GALNT2: variants seen among roughly 807,000 people sequenced by gnomAD.
GALNT2 encodes the protein polypeptide N-acetylgalactosaminyltransferase 2, also known as UDP-GalNAc:polypeptide N-acetylgalactosaminyltransferase 2.
Under a neutral mutation model 81.4 loss-of-function variants are expected in GALNT2, and 31 were observed. The ratio of observed to expected loss-of-function variants is 0.38; its 90% CI spans 0.29 to 0.51. The LOEUF (loss-of-function observed/expected upper bound fraction) is 0.51. GALNT2 is among the 20% of genes least tolerant of loss of function. The probability of loss-of-function intolerance (pLI) is 0.87; values close to 1 mark genes in which losing one functional copy is unlikely to be tolerated. For synonymous variants in GALNT2, 303 were observed against 287.4 expected, an observed-to-expected ratio of 1.05 and a Z score of -0.55; for missense variants, 629 against 765.7, an observed-to-expected ratio of 0.82 and a Z score of 2.11.
intron 1 of GALNT2, chr1:230,058,156 C>T: frequency 2.2e-6 from 1 of 455,160 alleles, no homozygotes; most frequent in Non-Finnish European, 4.4e-6. Flanking sequence ...CATGAGTCTC[C>T]TTTCCTAGCA....
At chr1:230,155,291 T>A (rs1428277369) in intron 1 of GALNT2, among the ~76,000 whole-genome samples, 5 of 152,172 alleles carry the variant, frequency 3.3e-5, no homozygotes, top group Admixed American at 3.3e-4. Flanking sequence ...TGTTCTTCGT[T>A]GGCTGCCTAG....
chr1:230,117,867 AAC>A (rs1660891917), intron 1 of GALNT2, among the ~76,000 whole-genome samples: 1 of 152,224 alleles, frequency 6.6e-6, no homozygotes, highest in Admixed American at 6.5e-5. Context: ...GTTTGTAAAA[AAC>A]ACAGTATCTG....
chr1:230,147,176 A>G (rs1215367370), intron 1 of GALNT2, among the ~76,000 whole-genome samples: 1 of 152,244 alleles, frequency 6.6e-6, no homozygotes, highest in Non-Finnish European at 1.5e-5. Flanking sequence ...CATGATTCTC[A>G]AAAGAATGCT....
At chr1:230,086,666 G>A (rs2102760517) in intron 1 of GALNT2, among the ~76,000 whole-genome samples, 1 of 152,140 alleles carries the variant, frequency 6.6e-6, no homozygotes, top group Non-Finnish European at 1.5e-5. Flanking sequence ...CATAACTTTT[G>A]CAGAAATGAG....
In GALNT2 at chr1:230,108,821, C is replaced by T. The variant is rs914676293; in HGVS notation, c.126+41415C>T. Reference sequence around the variant, plus strand: ...TGAGAGCTGTGAATCACTGACATTGCCCGGCATTGTCAGAGACTATCCGAC... The same window carrying T: ...TGAGAGCTGTGAATCACTGACATTGTCCGGCATTGTCAGAGACTATCCGAC... On this transcript the variant is annotated intron_variant, in intron 1 of 15. Coordinates refer to ENST00000366672, the MANE Select transcript of GALNT2 (RefSeq NM_004481.5). Among the ~76,000 whole-genome samples, 7 of 150,338 alleles carry T rather than the reference C, an allele frequency of 4.7e-5. No individual in the cohort carries two copies. The Middle Eastern group carries it at 0.01, about 222-fold the overall frequency.
chr1:230,236,226 A>C, intron 4 of GALNT2, 114 bp downstream of exon 4: 1 of 1,347,018 alleles, frequency 7.4e-7, no homozygotes, highest in Non-Finnish European at 1.1e-6. Flanking sequence ...CTGACTGCTC[A>C]GCACAGGGTG....
intron 1 of GALNT2, among the ~76,000 whole-genome samples, chr1:230,149,072 C>T (rs1229011182): frequency 2.0e-5 from 3 of 150,626 alleles, no homozygotes; most frequent in Admixed American, 6.6e-5. Context: ...GTAGAGACGG[C>T]GTTTCTCCAT....
At chr1:230,168,831 T>G (rs534711019) in intron 1 of GALNT2, among the ~76,000 whole-genome samples, 2 of 152,364 alleles carry the variant, frequency 1.3e-5, no homozygotes, top group African/African-American at 4.8e-5. Flanking sequence ...GAACCAGTAT[T>G]GATATGTTAT....
chr1:230,236,256 C>T, intron 4 of GALNT2, 97 bp from the exon 5 acceptor site: 1 of 1,407,498 alleles, frequency 7.1e-7, no homozygotes, highest in Non-Finnish European at 1.0e-6. Flanking sequence ...GCTCCTCCAA[C>T]CAAGGGTTAG....
intron 8 of GALNT2, among the ~76,000 whole-genome samples, chr1:230,246,638 G>T (rs1028294989): frequency 6.6e-6 from 1 of 152,058 alleles, no homozygotes; most frequent in Non-Finnish European, 1.5e-5. Flanking sequence ...CCAAGCCCAC[G>T]TGTGACCCTG....
At chr1:230,180,944 T>C (rs993191836) in intron 2 of GALNT2, among the ~76,000 whole-genome samples, 1 of 152,224 alleles carries the variant, frequency 6.6e-6, no homozygotes, top group Admixed American at 6.5e-5. Context: ...TTGACTTTTG[T>C]ATATTGACCT....
chr1:230,225,905 A>AC (rs1664695084), intron 3 of GALNT2, among the ~76,000 whole-genome samples: 1 of 152,140 alleles, frequency 6.6e-6, no homozygotes, highest in African/African-American at 2.4e-5. Context: ...TATCACCCAG[A>AC]CCTACTTATT....
At chr1:230,192,491 T>C (rs1222324939) in intron 2 of GALNT2, among the ~76,000 whole-genome samples, 1 of 152,204 alleles carries the variant, frequency 6.6e-6, no homozygotes, top group East Asian at 1.9e-4. Flanking sequence ...ATTACTGATA[T>C]TTAGGATGAA....
chr1:230,123,413 G>A (rs1281285471), intron 1 of GALNT2, among the ~76,000 whole-genome samples: 1 of 152,204 alleles, frequency 6.6e-6, no homozygotes, highest in African/African-American at 2.4e-5. Context: ...GGTCTCCCCA[G>A]GGGACTACTT....
intron 5 of GALNT2, 65 bp downstream of exon 5, chr1:230,236,485 TG>T: frequency 1.3e-6 from 2 of 1,544,674 alleles, no homozygotes; most frequent in Non-Finnish European, 1.8e-6. Flanking sequence ...CTTCCTGTAG[TG>T]GGGGTGCTAA....
At chr1:230,118,708 C>G (rs997507256) in intron 1 of GALNT2, among the ~76,000 whole-genome samples, 12 of 152,052 alleles carry the variant, frequency 7.9e-5, no homozygotes, top group African/African-American at 2.9e-4. Context: ...CCGCGTGGCT[C>G]CTCCCCGCAC....
rs1433286748 is a variant in GALNT2, at chr1:230,274,754, T to C, written c.1560+190T>C. The stretch of plus-strand genomic sequence containing the variant: ...AAGCCACAAACCTAATGTTGCTTAT[T>C]TCTGATTATATTCTCATTCTCTTCC... On this transcript the variant is annotated intron_variant, in intron 15 of 15. Transcript: ENST00000366672. Among the ~76,000 whole-genome samples, 15 of 152,198 alleles carry C rather than the reference T, an allele frequency of 9.9e-5. No individual in the cohort carries two copies. In the East Asian group the frequency reaches 2.9e-3, roughly 29 times the overall value.
rs138485170 is a variant in GALNT2 at position 230,137,851 on chromosome 1, T to C, written c.127-40367T>C. Reference sequence around the variant, plus strand: ...TTCACTCTTGAAAAGTGAAATATATTCTCCTTTGATTTCTGTTGACGTTGT... The same window carrying C: ...TTCACTCTTGAAAAGTGAAATATATCCTCCTTTGATTTCTGTTGACGTTGT... On this transcript the variant is annotated intron_variant, in intron 1 of 15. Coordinates refer to ENST00000366672, the MANE Select transcript of GALNT2 (RefSeq NM_004481.5). 3.4e-3 allele frequency among the ~76,000 whole-genome samples: 513 copies of C among 152,342 alleles called. 3 individuals carry two copies. Among genetic ancestry groups the C allele is most frequent in the Non-Finnish European group, 4.1e-3 (279 of 68,032 alleles).
At chr1:230,234,844 C>T (rs904185965) in intron 3 of GALNT2, among the ~76,000 whole-genome samples, 6 of 152,134 alleles carry the variant, frequency 3.9e-5, no homozygotes, top group Non-Finnish European at 7.3e-5. Context: ...CTGCTGAGCC[C>T]GGTAAACCTT....
Sources: allele counts gnomAD v4.1 joint callset (sites outside exome capture counted in the v4.1 genomes callset), GRCh38; gene constraint gnomAD v4.1.1; transcripts MANE v1.5; gene names NCBI Gene and HGNC (gene_info 2026-07-23, HGNC 2026-07-21).